The following NPSR1 variants were observed in gnomAD, a reference collection of about 807,000 sequenced individuals.
The protein encoded by NPSR1 is neuropeptide S receptor.
Under a neutral mutation model 46.9 loss-of-function variants are expected in NPSR1, and 48 were observed. The observed-to-expected ratio is 1.02, with a 90% CI of 0.81 to 1.30. NPSR1 has a LOEUF of 1.30. NPSR1 is among the 50% of genes most tolerant of loss of function. NPSR1 has a pLI of 0.00. For missense variants in NPSR1, 450 were observed against 449.5 expected (o/e 1.00, Z -0.01); for synonymous variants, 176 against 168.1 (o/e 1.05, Z -0.36).
chr7:34,802,977 C>A (rs1788494311), intron 3 of NPSR1, among the ~76,000 whole-genome samples: 1 of 150,484 alleles, frequency 6.6e-6, no homozygotes, highest in African/African-American at 2.5e-5. Context: ...TGCTCACCAC[C>A]ACTGGCCATC....
downstream of NPSR1, among the ~76,000 whole-genome samples, chr7:34,851,784 G>A (rs1219264301): frequency 6.6e-6 from 1 of 152,144 alleles, no homozygotes; most frequent in African/African-American, 2.4e-5. Context: ...AGTGGAGTGA[G>A]GGGCGTTGTG....
intron 2 of NPSR1, among the ~76,000 whole-genome samples, chr7:34,717,594 G>C (rs569742189): frequency 7.2e-5 from 11 of 152,320 alleles, no homozygotes; most frequent in African/African-American, 2.6e-4. Flanking sequence ...GGGACCCCCA[G>C]AGACAGTCAC....
chr7:34,804,874 A>T (rs1021450209), intron 3 of NPSR1, among the ~76,000 whole-genome samples: 1 of 152,040 alleles, frequency 6.6e-6, no homozygotes, highest in East Asian at 1.9e-4. Context: ...TTAATATACA[A>T]AAGTCAGTTG....
At chr7:34,868,408 T>C (rs1182907397) in intron 8 of NPSR1, among the ~76,000 whole-genome samples, 1 of 151,588 alleles carries the variant, frequency 6.6e-6, no homozygotes, top group Non-Finnish European at 1.5e-5. Flanking sequence ...AGTTGGGAAT[T>C]ACAGCATTCC....
At chr7:34,704,664 C>G (rs998184068) in intron 2 of NPSR1, among the ~76,000 whole-genome samples, 1 of 152,144 alleles carries the variant, frequency 6.6e-6, no homozygotes, top group Non-Finnish European at 1.5e-5. Flanking sequence ...CTTGTGTTGA[C>G]AGAGACTCAA....
At chr7:34,732,576 C>T (rs1459691122) in intron 2 of NPSR1, among the ~76,000 whole-genome samples, 1 of 152,122 alleles carries the variant, frequency 6.6e-6, no homozygotes, top group Non-Finnish European at 1.5e-5. Flanking sequence ...AACTCATTGT[C>T]CTCACTCATT....
chr7:34,701,586 C>T (rs963938109), intron 2 of NPSR1, among the ~76,000 whole-genome samples: 14 of 152,184 alleles, frequency 9.2e-5, no homozygotes, highest in Non-Finnish European at 1.3e-4. Flanking sequence ...ATTAATCTGC[C>T]TGTTGTCAGT....
chr7:34,789,740 CAAAAAAA>C (rs751424409), intron 3 of NPSR1, among the ~76,000 whole-genome samples: 101 of 45,350 alleles, frequency 2.2e-3, no homozygotes, highest in Non-Finnish European at 3.0e-3. Flanking sequence ...TTGCAGTGCG[CAAAAAAA>C]AAAAAAAAAA....
intron 2 of NPSR1, chr7:34,703,738 C>T (rs1201843857): frequency 1.3e-5 from 2 of 152,534 alleles, no homozygotes; most frequent in Non-Finnish European, 2.9e-5. Flanking sequence ...CTTAGAATTT[C>T]CATTCTAACA....
intron 2 of NPSR1, among the ~76,000 whole-genome samples, chr7:34,729,068 C>G (rs1169235790): frequency 1.3e-5 from 2 of 152,208 alleles, no homozygotes; most frequent in Non-Finnish European, 2.9e-5. Context: ...TCATCACCCA[C>G]TCAGAGGTTC....
intron 4 of NPSR1, 37 bp from the exon 5 acceptor site, chr7:34,827,364 C>T (rs765965840): frequency 1.8e-5 from 29 of 1,595,212 alleles, no homozygotes; most frequent in Non-Finnish European, 2.4e-5. Context: ...AAAATGGTTG[C>T]CACATACCCA....
At chr7:34,790,965 T>TCA (rs1562730142) in intron 3 of NPSR1, among the ~76,000 whole-genome samples, 1 of 93,802 alleles carries the variant, frequency 1.1e-5, no homozygotes, top group Non-Finnish European at 2.3e-5. Context: ...ATATGTTATA[T>TCA]TATATATGTT....
At chr7:34,772,487 C>A (rs1263854437) in intron 2 of NPSR1, among the ~76,000 whole-genome samples, 2 of 152,128 alleles carry the variant, frequency 1.3e-5, no homozygotes, top group Non-Finnish European at 2.9e-5. Flanking sequence ...TCTCATAAAG[C>A]CTAATGGTGT....
chr7:34,804,863 G>A (rs1030214570), intron 3 of NPSR1, among the ~76,000 whole-genome samples: 1 of 151,744 alleles, frequency 6.6e-6, no homozygotes, highest in Admixed American at 6.6e-5. Context: ...AGAATAGAAG[G>A]TTAATATACA....
At chr7:34,714,586 A>G (rs1176272799) in intron 2 of NPSR1, among the ~76,000 whole-genome samples, 3 of 152,140 alleles carry the variant, frequency 2.0e-5, no homozygotes, top group Non-Finnish European at 4.4e-5. Context: ...GTTTCCAAAG[A>G]TGATAGATCT....
At chr7:34,747,126 A>C (rs914443973) in intron 2 of NPSR1, among the ~76,000 whole-genome samples, 2 of 136,226 alleles carry the variant, frequency 1.5e-5, no homozygotes, top group African/African-American at 5.3e-5. Flanking sequence ...TCCACCAAAA[A>C]AACAAAAAAA....
chr7:34,740,236 C>G (rs780188264), intron 2 of NPSR1, among the ~76,000 whole-genome samples: 3 of 151,896 alleles, frequency 2.0e-5, no homozygotes, highest in Non-Finnish European at 4.4e-5. Flanking sequence ...CCCAAAAGGC[C>G]GGTCTCACTC....
intron 3 of NPSR1, among the ~76,000 whole-genome samples, chr7:34,791,016 A>ATATGT (rs1787796040): frequency 1.8e-5 from 2 of 113,736 alleles, no homozygotes; most frequent in Non-Finnish European, 3.2e-5. Context: ...ATGTTATATT[A>ATATGT]TATATGTTAT....
intron 2 of NPSR1, among the ~76,000 whole-genome samples, chr7:34,759,235 C>A (rs184512164): frequency 1.3e-5 from 2 of 152,236 alleles, no homozygotes; most frequent in African/African-American, 4.8e-5. Flanking sequence ...CAGCACTTAC[C>A]ATACAGTGTA....
Sources: gnomAD v4.1 joint callset for allele counts (sites outside exome capture counted in the v4.1 genomes callset) on GRCh38, gnomAD v4.1.1 for gene constraint, MANE v1.5 for transcripts, NCBI Gene and HGNC (gene_info 2026-07-23, HGNC 2026-07-21) for gene names.